Variants in PCDH15 observed in about 807,000 individuals in gnomAD.
The protein encoded by PCDH15 is protocadherin related 15.
In PCDH15, 129 loss-of-function variants were observed where a neutral mutation model predicts 178.5. The ratio of observed to expected loss-of-function variants is 0.72; its 90% CI spans 0.63 to 0.84. The LOEUF (loss-of-function observed/expected upper bound fraction) is 0.84. Ranked by LOEUF, PCDH15 falls within the 40% of genes least tolerant of loss-of-function variation. PCDH15 has a pLI of 0.00. For missense variants in PCDH15, 2,230 were observed against 2,099.9 expected (o/e 1.06, Z -1.21); for synonymous variants, 800 against 732.0 (o/e 1.09, Z -1.50).
Position 54,798,042 on chromosome 10 carries a change from C to T in PCDH15, c.-29+2883G>A, listed in dbSNP as rs535577440. Among the ~76,000 whole-genome samples, 7 of 152,080 alleles carry T rather than the reference C, an allele frequency of 4.6e-5. No homozygotes were observed. In the Middle Eastern group the frequency reaches 0.01, roughly 222 times the overall value. On this transcript the variant is annotated intron_variant, in intron 1 of 37. Transcript: ENST00000644397. ...CATTTGGAATTTCTGGGTGTATTCT[C>T]GGTTCTTGTCACCATTTCAACCTAA... is the stretch of plus-strand genomic sequence containing the variant.
chr10:55,355,487 C>T (rs1226116570), intron 2 of PCDH15, among the ~76,000 whole-genome samples: 1 of 151,958 alleles, frequency 6.6e-6, no homozygotes, highest in South Asian at 2.1e-4. Context: ...TCCCTGATTA[C>T]TTATGTTGTC....
chr10:54,853,405 A>ATACG lies in PCDH15; in HGVS notation c.-29+44044_-29+44045insCGTA, dbSNP rs768807318. On this transcript the variant is annotated intron_variant, in intron 3 of 5. Coordinates refer to the PCDH15 transcript ENST00000458638. ...CATACATACATATATATACACACAC[A>ATACG]TATATATACACATACATATATATAT... Among the ~76,000 whole-genome samples the ATACG allele has an allele frequency of 1.4e-3, 194 of 143,452 alleles. 1 individual carries two copies. Among genetic ancestry groups the ATACG allele is most frequent in the Admixed American group, 3.6e-3 (50 of 14,060 alleles). 94.1% of individuals were successfully genotyped at this position (143,452 alleles called of 152,430 possible). A position where few individuals can be genotyped will look rare whatever the true frequency, so the allele number is the denominator to read the frequency against.
In PCDH15 at chr10:54,023,134, GATT is replaced by G; in HGVS notation, c.2281_2283del (p.Asn761del). 6.2e-7 allele frequency: 1 copy of G among 1,613,824 alleles called. No homozygotes were observed. The highest frequency in any genetic ancestry group is 2.2e-5 in the East Asian group (1 of 44,856). On this transcript the variant is annotated inframe_deletion, in exon 19 of 38. Coordinates refer to ENST00000644397, the MANE Select transcript of PCDH15 (RefSeq NM_001384140.1). ...CTCCCATTGGATGTGATACGAAAAAGATTATTAAAGTTACCCAAACTGTAGTGC... is the reference window on the plus strand; with the variant it reads ...CTCCCATTGGATGTGATACGAAAAAGATTAAAGTTACCCAAACTGTAGTGC...
At chr10:54,012,159 C>A (rs925643949) in intron 20 of PCDH15, among the ~76,000 whole-genome samples, 1 of 151,984 alleles carries the variant, frequency 6.6e-6, no homozygotes, top group Non-Finnish European at 1.5e-5. Flanking sequence ...GCATTAACAG[C>A]AGAAGAGACC....
At chr10:55,526,064 ATTT>A (rs940820631) in intron 2 of PCDH15, among the ~76,000 whole-genome samples, 7 of 152,108 alleles carry the variant, frequency 4.6e-5, no homozygotes, top group Middle Eastern at 3.4e-3. Flanking sequence ...GTTTAAAATT[ATTT>A]CCTTCTCAGA....
chr10:54,154,127 G>A (rs2044843640), intron 13 of PCDH15, among the ~76,000 whole-genome samples: 1 of 152,082 alleles, frequency 6.6e-6, no homozygotes, highest in Admixed American at 6.5e-5. Flanking sequence ...CAACATTAAA[G>A]CAACAGTGAT....
chr10:54,910,252 C>A (rs576883229), intron 2 of PCDH15, among the ~76,000 whole-genome samples: 2 of 152,252 alleles, frequency 1.3e-5, no homozygotes, highest in East Asian at 1.9e-4. Flanking sequence ...ACCACCAATA[C>A]CTTCTTCTGT....
At chr10:55,550,591 GACTT>G (rs1057260201) in intron 2 of PCDH15, among the ~76,000 whole-genome samples, 1 of 152,012 alleles carries the variant, frequency 6.6e-6, no homozygotes, top group Non-Finnish European at 1.5e-5. Context: ...ATTTTAAATA[GACTT>G]ACTATTATTT....
At chr10:54,934,170 T>G (rs1241846546) in intron 2 of PCDH15, among the ~76,000 whole-genome samples, 1 of 152,122 alleles carries the variant, frequency 6.6e-6, no homozygotes, top group Non-Finnish European at 1.5e-5. Flanking sequence ...TTGTGGGAAT[T>G]TTTTTGTCCT....
intron 21 of PCDH15, among the ~76,000 whole-genome samples, chr10:53,969,885 G>A (rs895333898): frequency 1.3e-5 from 2 of 152,166 alleles, no homozygotes; most frequent in African/African-American, 4.8e-5. Context: ...GGAACAACCA[G>A]TACCAGCCAC....
intron 3 of PCDH15, among the ~76,000 whole-genome samples, chr10:54,417,823 T>C (rs1954668017): frequency 6.6e-6 from 1 of 152,208 alleles, no homozygotes; most frequent in African/African-American, 2.4e-5. Context: ...GCTATGACTG[T>C]ATTACATTTC....
At chr10:55,184,018 T>C (rs1013168942) in intron 1 of PCDH15, among the ~76,000 whole-genome samples, 3 of 151,962 alleles carry the variant, frequency 2.0e-5, no homozygotes, top group African/African-American at 7.2e-5. Context: ...GGTTTACCTC[T>C]CTTTTTCTGA....
chr10:54,229,365 T>C (rs1015795777), intron 9 of PCDH15, among the ~76,000 whole-genome samples: 1 of 152,238 alleles, frequency 6.6e-6, no homozygotes, highest in Non-Finnish European at 1.5e-5. Context: ...AATTCTTAAA[T>C]ATTAGAGTGT....
intron 2 of PCDH15, among the ~76,000 whole-genome samples, chr10:55,068,810 A>C (rs1841637339): frequency 6.6e-6 from 1 of 151,738 alleles, no homozygotes; most frequent in Non-Finnish European, 1.5e-5. Flanking sequence ...TGTTCCCTAC[A>C]GATCTCTTTC....
chr10:54,919,909 T>C (rs896290112), intron 2 of PCDH15, among the ~76,000 whole-genome samples: 1 of 151,942 alleles, frequency 6.6e-6, no homozygotes, highest in African/African-American at 2.4e-5. Context: ...AAAAAGGCTC[T>C]GTAACATTTG....
At chr10:55,501,252 T>C (rs1481313460) in intron 2 of PCDH15, among the ~76,000 whole-genome samples, 1 of 151,738 alleles carries the variant, frequency 6.6e-6, no homozygotes, top group Non-Finnish European at 1.5e-5. Context: ...TCAAAGGCTT[T>C]AAAGGGAGTG....
intron 8 of PCDH15, among the ~76,000 whole-genome samples, chr10:54,260,384 C>T (rs7078819): frequency 0.69 from 103,663 of 151,290 alleles, 36,466 homozygotes; most frequent in Middle Eastern, 0.76. Context: ...TTCTTATTAA[C>T]TATGCTAGTT....
intron 2 of PCDH15, among the ~76,000 whole-genome samples, chr10:55,056,721 C>T (rs1841316305): frequency 6.6e-6 from 1 of 151,490 alleles, no homozygotes; most frequent in Admixed American, 6.6e-5. Flanking sequence ...CAACCTCCAC[C>T]TCCCAGATTC....
intron 8 of PCDH15, among the ~76,000 whole-genome samples, chr10:54,253,218 CTT>C (rs758626027): frequency 6.6e-6 from 1 of 151,846 alleles, no homozygotes; most frequent in Admixed American, 6.6e-5. Context: ...ATAAAAATAA[CTT>C]TGTTTTGATA....
Sources: allele counts gnomAD v4.1 joint callset (sites outside exome capture counted in the v4.1 genomes callset), GRCh38; gene constraint gnomAD v4.1.1; transcripts MANE v1.5; gene names NCBI Gene and HGNC (gene_info 2026-07-23, HGNC 2026-07-21).